C15orf40: variants seen among roughly 807,000 people sequenced by gnomAD.
C15orf40 encodes the protein UPF0235 protein C15orf40.
A neutral mutation model predicts 13.9 loss-of-function variants in C15orf40; 9 were observed. The ratio of observed to expected loss-of-function variants is 0.65; its 90% CI spans 0.39 to 1.13. The LOEUF is 1.13. Ranked by LOEUF, C15orf40 falls within the 50% of genes most tolerant of loss-of-function variation. The pLI, the probability that C15orf40 is intolerant of heterozygous loss-of-function variation, is 0.01. For missense variants in C15orf40, 225 were observed against 188.5 expected (o/e 1.19, Z -1.13); for synonymous variants, 95 against 69.2 (o/e 1.37, Z -1.85).
At position 83,005,481 on chromosome 15, in the gene C15orf40, A is replaced by ACCATGTTGG. The variant is rs1332505344; in HGVS notation, c.*107_*115dup. On this transcript the variant is annotated 3_prime_UTR_variant, in exon 4 of 4. Coordinates refer to ENST00000304177, the MANE Select transcript of C15orf40 (RefSeq NM_144597.3). Reference sequence around the variant, plus strand: ...GTATTTTTCGTAGAGATGGGGTTTCACCATGTTGGTCAGGCTGGTCTCGAA... The same window carrying ACCATGTTGG: ...GTATTTTTCGTAGAGATGGGGTTTCACCATGTTGGCCATGTTGGTCAGGCTGGTCTCGAA... 7 of 924,758 alleles carry ACCATGTTGG rather than the reference A, an allele frequency of 7.6e-6. No homozygotes were observed. The African/African-American group carries it at 1.2e-4, about 16-fold the overall frequency. The allele number at this position is 924,758 out of a possible 1,614,324, so 57.3% of individuals were successfully genotyped here.
In C15orf40 at chr15:83,011,570, G is replaced by A. The variant is rs765560365; in HGVS notation, c.38C>T (p.Ala13Val). The A allele has an allele frequency of 5.0e-6, 8 of 1,603,302 alleles. No individual in the cohort carries two copies. The East Asian group carries it at 1.3e-4, about 27-fold the overall frequency. The part of the protein sequence containing the change: ...RLRSGLRHLR[A>V]TPNTRGSARL... ...AGCGGAGCCCCGAGTATTGGGTGTT[G>A]CCCGAAGGTGCCTCAGCCCGCTGCG... Residue 13 changes from alanine (A) to valine (V), a missense_variant, in exon 1 of 4, where the codon GCA becomes GTA. By Grantham distance (64) the Ala-to-Val change is moderately conservative. Coordinates refer to ENST00000304177, the MANE Select transcript of C15orf40 (RefSeq NM_144597.3).
rs1043425098 is a variant in C15orf40, at chr15:82,996,908, C to T, written c.*8689G>A. The T allele has an allele frequency of 6.6e-6, 1 of 150,866 alleles. No homozygotes were observed. The highest frequency in any genetic ancestry group is 1.5e-5 in the Non-Finnish European group (1 of 67,764). 9.3% of individuals were successfully genotyped at this position (150,866 alleles called of 1,614,324 possible). On this transcript the variant is annotated 3_prime_UTR_variant, in exon 4 of 4. Transcript: ENST00000304177. ...TGGCTCAGGCCTGTAATCCCAGCTA[C>T]TTGGAAGGCTGAGGCAGGAGAATCG...
chr15:83,005,763 C>T (rs1055730111), intron 3 of C15orf40, 71 bp from the exon 4 acceptor site: 2 of 1,520,548 alleles, frequency 1.3e-6, no homozygotes, highest in East Asian at 2.4e-5. Flanking sequence ...AGCAGACCTC[C>T]GTTGTATAAT....
At position 83,001,214 on chromosome 15, in the gene C15orf40, A is replaced by T; in HGVS notation, c.*4383T>A. The T allele has an allele frequency of 1.0e-6, 1 of 985,460 alleles. No homozygotes were observed. The highest frequency in any genetic ancestry group is 4.7e-5 in the South Asian group (1 of 21,284). The allele number at this position is 985,460 out of a possible 1,614,324, so 61.0% of individuals were successfully genotyped here. On this transcript the variant is annotated 3_prime_UTR_variant, in exon 4 of 4. Transcript: ENST00000304177. Reference sequence around the variant, plus strand: ...ATGGCTCACAGAAATCAGAAGTCTGAAATCTCTGCTCCTGCCTCCAGGGCA... The same window carrying T: ...ATGGCTCACAGAAATCAGAAGTCTGTAATCTCTGCTCCTGCCTCCAGGGCA...
chr15:83,010,080 T>G (rs2031909037), intron 2 of C15orf40, among the ~76,000 whole-genome samples, 157 bp downstream of exon 2: 1 of 152,230 alleles, frequency 6.6e-6, no homozygotes, highest in Non-Finnish European at 1.5e-5. Flanking sequence ...TTAAGACACC[T>G]TTACATTAGA....
chr15:83,005,289 C>T lies in C15orf40; in HGVS notation c.*308G>A. On this transcript the variant is annotated 3_prime_UTR_variant, in exon 4 of 4. Transcript: ENST00000304177. ...TTTCTCAAGGATGTATTTTTTATTT[C>T]TTTTTTTTCGGGGGGAGAGAGTTTC... 1.0e-6 allele frequency: 1 copy of T among 998,562 alleles called. No homozygotes were observed. The highest frequency in any genetic ancestry group is 1.2e-6 in the Non-Finnish European group (1 of 831,248). The allele number at this position is 998,562 out of a possible 1,614,324, so 61.9% of individuals were successfully genotyped here.
chr15:82,989,900 T>G (rs1421944008), downstream of C15orf40: 4 of 1,612,128 alleles, frequency 2.5e-6, no homozygotes, highest in Non-Finnish European at 3.4e-6. Context: ...CAACAGACAG[T>G]TCAGAGGCAG....
intron 2 of C15orf40, 151 bp from the exon 3 acceptor site, chr15:83,008,826 C>T: frequency 2.3e-6 from 2 of 882,128 alleles, no homozygotes; most frequent in Admixed American, 3.1e-5. Flanking sequence ...AAACTAATCA[C>T]ATTTAAGGAA....
chr15:82,992,504 G>A (rs908448224), downstream of C15orf40, among the ~76,000 whole-genome samples: 16 of 149,010 alleles, frequency 1.1e-4, no homozygotes, highest in East Asian at 3.9e-4. Flanking sequence ...CAACAAGAGC[G>A]AAACTCTCTC....
Position 82,999,591 on chromosome 15 carries a change from G to A in C15orf40, c.*6006C>T, listed in dbSNP as rs764346042. ...ATCACGTGTACATGCCACCCAGTAC[G>A]GCTGTAGAAGAGAACTAAAGGCTAG... On this transcript the variant is annotated 3_prime_UTR_variant, in exon 4 of 4. Transcript: ENST00000304177. The A allele has an allele frequency of 2.6e-5, 4 of 152,154 alleles. No homozygotes were observed. The highest frequency in any genetic ancestry group is 6.6e-5 in the Admixed American group (1 of 15,264). 9.4% of individuals were successfully genotyped at this position (152,154 alleles called of 1,614,324 possible).
At chr15:82,989,878 T>A, downstream of C15orf40, 1 of 1,613,422 alleles carries the variant, frequency 6.2e-7, no homozygotes. Context: ...TTTATTGTTG[T>A]AGGTTGCAAG....
At position 83,004,921 on chromosome 15, in the gene C15orf40, G is replaced by C; in HGVS notation, c.*676C>G. 1 of 1,303,978 alleles carries C rather than the reference G, an allele frequency of 7.7e-7. No homozygotes were observed. Among genetic ancestry groups the C allele is most frequent in the Non-Finnish European group, 1.0e-6 (1 of 987,836 alleles). 80.8% of individuals were successfully genotyped at this position (1,303,978 alleles called of 1,614,324 possible). On this transcript the variant is annotated 3_prime_UTR_variant, in exon 4 of 4. Transcript: ENST00000304177. ...CATTCAACAAGTAGTCCAAGGATTT[G>C]GGTTCTAGTTGCCAGCTTGCATGGT...
downstream of C15orf40, among the ~76,000 whole-genome samples, chr15:82,993,587 G>GGACCATCTGAGGTCAGGAGTTC (rs2030941898): frequency 6.6e-6 from 1 of 152,144 alleles, no homozygotes; most frequent in East Asian, 1.9e-4. Flanking sequence ...CCAAGGAGGT[G>GGACCATCTGAGGTCAGGAGTTC]GACCATCTGA....
chr15:83,004,352 C>T lies in C15orf40; in HGVS notation c.*1245G>A, dbSNP rs2031560105. On this transcript the variant is annotated 3_prime_UTR_variant, in exon 4 of 4. Coordinates refer to ENST00000304177, the MANE Select transcript of C15orf40 (RefSeq NM_144597.3). The stretch of plus-strand genomic sequence containing the variant: ...ATTTGGTCCATCAATACATCTTTCT[C>T]ATGTACTTGCTGGACAAAGCGCACA... 1 of 985,292 alleles carries T rather than the reference C, an allele frequency of 1.0e-6. No homozygotes were observed. Among genetic ancestry groups the T allele is most frequent in the Admixed American group, 6.2e-5 (1 of 16,250 alleles). 61.0% of individuals were successfully genotyped at this position (985,292 alleles called of 1,614,324 possible).
intron 2 of C15orf40, among the ~76,000 whole-genome samples, 168 bp from the exon 3 acceptor site, chr15:83,008,843 C>T (rs2031844179): frequency 6.6e-6 from 1 of 152,162 alleles, no homozygotes. Flanking sequence ...GGAACATGAA[C>T]ATGATAAAAA....
chr15:82,991,255 A>C (rs191959005), downstream of C15orf40, among the ~76,000 whole-genome samples: 625 of 152,316 alleles, frequency 4.1e-3, 8 homozygotes, highest in African/African-American at 0.015. Flanking sequence ...ATATTTAAAA[A>C]GGCGTCTTCC....
chr15:82,990,835 G>T (rs2030828117), downstream of C15orf40: 1 of 509,884 alleles, frequency 2.0e-6, no homozygotes, highest in Non-Finnish European at 3.5e-6. Flanking sequence ...TGTAAATAAT[G>T]CTGCATTTTG....
Position 83,011,580 on chromosome 15 carries a change from G to A in C15orf40, c.28C>T (p.His10Tyr), listed in dbSNP as rs1014290516. 1 of 1,596,312 alleles carries A rather than the reference G, an allele frequency of 6.3e-7. No homozygotes were observed. Among genetic ancestry groups the A allele is most frequent in the Non-Finnish European group, 8.5e-7 (1 of 1,175,302 alleles). Residue 10 changes from histidine (H) to tyrosine (Y), a missense_variant, in exon 1 of 4, where the codon CAC becomes TAC. Transcript: ENST00000304177. Reference sequence around the variant, plus strand: ...CGAGTATTGGGTGTTGCCCGAAGGTGCCTCAGCCCGCTGCGGAGCCGCAGC... The same window carrying A: ...CGAGTATTGGGTGTTGCCCGAAGGTACCTCAGCCCGCTGCGGAGCCGCAGC... Reference protein sequence around the residue: MLRLRSGLRHLRATPNTRGS... With the variant: MLRLRSGLRYLRATPNTRGS...
In C15orf40 at chr15:83,003,404, G is replaced by A. The variant is rs377322778; in HGVS notation, c.*2193C>T. The A allele has an allele frequency of 6.6e-6, 1 of 152,262 alleles. No individual in the cohort carries two copies. The highest frequency in any genetic ancestry group is 1.5e-5 in the Non-Finnish European group (1 of 68,114). The allele number at this position is 152,262 out of a possible 1,614,324, so 9.4% of individuals were successfully genotyped here. ...GGCCTCCCAAAGTGCTGGGATTACA[G>A]GTGTGAGCTACCATGCCCGGCCAGG... On this transcript the variant is annotated 3_prime_UTR_variant, in exon 4 of 4. Transcript: ENST00000304177.
Sources: gnomAD v4.1 joint callset for allele counts (sites outside exome capture counted in the v4.1 genomes callset) on GRCh38, gnomAD v4.1.1 for gene constraint, MANE v1.5 for transcripts, NCBI Gene and HGNC (gene_info 2026-07-23, HGNC 2026-07-21) for gene names.